The following IPCEF1 variants were observed in gnomAD, a reference collection of about 807,000 sequenced individuals.
IPCEF1 encodes the protein interaction protein for cytohesin exchange factors 1, also known as interactor protein for cytohesin exchange factors 1.
Under a neutral mutation model 50.9 loss-of-function variants are expected in IPCEF1, and 31 were observed. The observed-to-expected ratio is 0.61, with a 90% confidence interval of 0.46 to 0.82. The LOEUF (loss-of-function observed/expected upper bound fraction) is 0.82. Among genes scored for constraint, IPCEF1 ranks in the 40% least tolerant of loss-of-function variants. IPCEF1 has a pLI of 0.00. For missense variants in IPCEF1, 458 were observed against 514.0 expected, an observed-to-expected ratio of 0.89 and a Z score of 1.05; for synonymous variants, 181 against 192.0, an observed-to-expected ratio of 0.94 and a Z score of 0.47.
intron 1 of IPCEF1, among the ~76,000 whole-genome samples, chr6:154,318,284 C>T (rs77847382): frequency 0.023 from 3,503 of 152,256 alleles, 64 homozygotes; most frequent in Non-Finnish European, 0.032. Context: ...TTTGTCAAAA[C>T]TCATGGAGCT....
chr6:154,281,644 T>G (rs1782214247), intron 2 of IPCEF1, among the ~76,000 whole-genome samples: 1 of 151,824 alleles, frequency 6.6e-6, no homozygotes, highest in Admixed American at 6.6e-5. Flanking sequence ...GGTGATAACT[T>G]GAGGCCAGGG....
intron 1 of IPCEF1, among the ~76,000 whole-genome samples, chr6:154,296,948 G>C (rs995460705): frequency 6.6e-6 from 1 of 152,192 alleles, no homozygotes; most frequent in Non-Finnish European, 1.5e-5. Context: ...GAAGTCAGGA[G>C]GATTGGATGC....
chr6:154,244,719 C>G (rs903223805), intron 5 of IPCEF1, among the ~76,000 whole-genome samples: 10 of 152,170 alleles, frequency 6.6e-5, no homozygotes, highest in African/African-American at 1.7e-4. Context: ...AATCTGGAAG[C>G]CTGTGTGGTT....
Position 154,341,602 on chromosome 6 carries a change from G to A in IPCEF1, c.-62+15070C>T, listed in dbSNP as rs138078729. Among the ~76,000 whole-genome samples, 7 of 152,316 alleles carry A rather than the reference G, an allele frequency of 4.6e-5. No individual in the cohort carries two copies. The East Asian group carries it at 1.4e-3, about 29-fold the overall frequency. Reference sequence around the variant, plus strand: ...TCAGTTCCGGATCTTTTAATAGAGTGTGTGAATTTCCCAAGCTTCCTCCTT... The same window carrying A: ...TCAGTTCCGGATCTTTTAATAGAGTATGTGAATTTCCCAAGCTTCCTCCTT... On this transcript the variant is annotated intron_variant, in intron 1 of 11. Transcript: ENST00000367220.
At chr6:154,255,020 CTT>C (rs1449547517) in intron 3 of IPCEF1, among the ~76,000 whole-genome samples, 2 of 152,076 alleles carry the variant, frequency 1.3e-5, no homozygotes, top group Non-Finnish European at 2.9e-5. Context: ...TGACTACTCT[CTT>C]GTTATTGCAG....
At chr6:154,246,864 A>T in intron 4 of IPCEF1, 104 bp from the exon 5 acceptor site, 1 of 1,330,450 alleles carries the variant, frequency 7.5e-7, no homozygotes, top group Admixed American at 2.7e-5. Flanking sequence ...TTTAATTGTT[A>T]ACCCCCCGGG....
chr6:154,338,541 C>T (rs1344928224), intron 1 of IPCEF1, among the ~76,000 whole-genome samples: 2 of 152,182 alleles, frequency 1.3e-5, no homozygotes, highest in African/African-American at 2.4e-5. Flanking sequence ...ATGAGTTAGA[C>T]AGTCAGATGC....
At chr6:154,233,217 C>G (rs1583864059) in intron 5 of IPCEF1, among the ~76,000 whole-genome samples, 1 of 152,160 alleles carries the variant, frequency 6.6e-6, no homozygotes, top group African/African-American at 2.4e-5. Context: ...GATCTGCCCG[C>G]CTCAGCCTCC....
intron 1 of IPCEF1, among the ~76,000 whole-genome samples, chr6:154,290,714 T>C (rs1782491485): frequency 6.6e-6 from 1 of 152,138 alleles, no homozygotes; most frequent in Non-Finnish European, 1.5e-5. Flanking sequence ...AAAAAATCAT[T>C]AAACTGAGAT....
At chr6:154,344,459 C>T (rs1783984848) in intron 1 of IPCEF1, among the ~76,000 whole-genome samples, 1 of 152,092 alleles carries the variant, frequency 6.6e-6, no homozygotes, top group African/African-American at 2.4e-5. Flanking sequence ...TTATAGAAAC[C>T]CCAGTGACTT....
intron 7 of IPCEF1, among the ~76,000 whole-genome samples, chr6:154,216,339 G>A (rs790256): frequency 1.3e-5 from 2 of 151,864 alleles, no homozygotes; most frequent in East Asian, 3.9e-4. Context: ...ACCTGGAAAA[G>A]ATATGAACAA....
Position 154,168,120 on chromosome 6 carries a change from G to GA in IPCEF1, c.911-8dup, listed in dbSNP as rs371421932. 30,670 of 1,059,146 alleles carry GA rather than the reference G, an allele frequency of 0.029. No individual in the cohort carries two copies. Among genetic ancestry groups the GA allele is most frequent in the South Asian group, 0.043 (2,222 of 51,760 alleles). 65.6% of individuals were successfully genotyped at this position (1,059,146 alleles called of 1,614,324 possible). A position where few individuals can be genotyped will look rare whatever the true frequency, so the allele number is the denominator to read the frequency against. On this transcript the variant is annotated splice_region_variant and splice_polypyrimidine_tract_variant and intron_variant, in intron 10 of 11. Transcript: ENST00000367220. The surrounding 1 kb of genome is among the most constrained non-coding windows in gnomAD (Gnocchi z 4.1). Reference sequence around the variant, plus strand: ...TCAGACACTTTTGTCTCTTCTATTTGAAAAAAAAAAAGAAAGCAGTAACAA... The same window carrying GA: ...TCAGACACTTTTGTCTCTTCTATTTGAAAAAAAAAAAAGAAAGCAGTAACAA...
chr6:154,182,736 C>CA (rs1458219131), intron 10 of IPCEF1, among the ~76,000 whole-genome samples: 1 of 152,050 alleles, frequency 6.6e-6, no homozygotes, highest in Non-Finnish European at 1.5e-5. Flanking sequence ...GATACGAATC[C>CA]AATGCATTGT....
chr6:154,354,996 TCACACACACACACACACACACACA>T (rs56281024), intron 1 of IPCEF1, among the ~76,000 whole-genome samples: 2 of 147,392 alleles, frequency 1.4e-5, no homozygotes, highest in East Asian at 2.0e-4. Context: ...GGATTTTTCT[TCACACACACACACACACACACACA>T]CACACACACA....
intron 10 of IPCEF1, among the ~76,000 whole-genome samples, chr6:154,180,616 G>A (rs971427547): frequency 2.8e-4 from 42 of 151,860 alleles, no homozygotes; most frequent in Middle Eastern, 3.2e-3. Flanking sequence ...TTTGGCTGTC[G>A]AGAACACTGT....
intron 10 of IPCEF1, among the ~76,000 whole-genome samples, chr6:154,188,884 A>T (rs1801616130): frequency 6.6e-6 from 1 of 152,352 alleles, no homozygotes; most frequent in South Asian, 2.1e-4. Flanking sequence ...CGTTTATAAA[A>T]TATGGAAGAA....
In IPCEF1 at chr6:154,214,221, C is replaced by T. The variant is rs1430623622; in HGVS notation, c.448G>A (p.Glu150Lys). Reference sequence around the variant, plus strand: ...AGAAATTTAAAATAGAACATACCTTCATCCTTTGTAGTGGATTCCTGATGG... The same window carrying T: ...AGAAATTTAAAATAGAACATACCTTTATCCTTTGTAGTGGATTCCTGATGG... The part of the protein sequence containing the change: ...VIHQESTTKD[E>K]ECYSESEQED... The change falls in exon 8 of 12, where the codon GAA becomes AAA. Residue 150 changes from glutamate to lysine, a missense_variant. Coordinates refer to ENST00000367220, the MANE Select transcript of IPCEF1 (RefSeq NM_001130700.2). 2 of 1,598,674 alleles carry T rather than the reference C, an allele frequency of 1.3e-6. No homozygotes were observed. Among genetic ancestry groups the T allele is most frequent in the East Asian group, 2.2e-5 (1 of 44,788 alleles).
At chr6:154,227,268 G>T (rs1310589863) in intron 5 of IPCEF1, among the ~76,000 whole-genome samples, 1 of 151,286 alleles carries the variant, frequency 6.6e-6, no homozygotes, top group Non-Finnish European at 1.5e-5. Context: ...TAGTTCCATG[G>T]AGCTGAATTA....
intron 2 of IPCEF1, among the ~76,000 whole-genome samples, chr6:154,285,265 A>G (rs1448393826): frequency 1.3e-5 from 2 of 152,178 alleles, no homozygotes; most frequent in African/African-American, 4.8e-5. Flanking sequence ...GGAAAATGAA[A>G]ATGGCAACAG....
Sources: gnomAD v4.1 joint callset for allele counts (sites outside exome capture counted in the v4.1 genomes callset) on GRCh38, gnomAD v4.1.1 for gene constraint, Gnocchi (gnomAD v3.1) non-coding constraint, MANE v1.5 for transcripts, NCBI Gene and HGNC (gene_info 2026-07-23, HGNC 2026-07-21) for gene names.